EGFLAM: variants seen among roughly 807,000 people sequenced by gnomAD.
EGFLAM encodes the protein EGF like, fibronectin type III and laminin G domains.
Under a neutral mutation model 113.1 loss-of-function variants are expected in EGFLAM, and 79 were observed. The ratio of observed to expected loss-of-function variants is 0.70; its 90% CI spans 0.58 to 0.84. EGFLAM has a LOEUF of 0.84. Ranked by LOEUF, EGFLAM falls within the 40% of genes least tolerant of loss-of-function variation. EGFLAM has a pLI of 0.00. For synonymous variants in EGFLAM, 504 were observed against 487.6 expected (o/e 1.03, Z -0.44); for missense variants, 1,265 against 1,291.6 (o/e 0.98, Z 0.32).
chr5:38,400,410 T>C (rs1367007961), intron 6 of EGFLAM, among the ~76,000 whole-genome samples: 1 of 152,212 alleles, frequency 6.6e-6, no homozygotes. Context: ...TCCTTTTTAA[T>C]GTTCTCTTTT....
At chr5:38,417,012 C>A (rs1741661169) in intron 11 of EGFLAM, among the ~76,000 whole-genome samples, 1 of 152,096 alleles carries the variant, frequency 6.6e-6, no homozygotes, top group Admixed American at 6.6e-5. Flanking sequence ...CCCTGACACC[C>A]TTCCTTACCC....
chr5:38,417,581 C>T (rs1321009381), intron 11 of EGFLAM, among the ~76,000 whole-genome samples: 1 of 152,028 alleles, frequency 6.6e-6, no homozygotes, highest in Non-Finnish European at 1.5e-5. Context: ...ACCCCCCGTC[C>T]ACCCCAACAA....
chr5:38,463,740 C>A, intron 21 of EGFLAM, 92 bp from the exon 22 acceptor site: 1 of 1,504,666 alleles, frequency 6.6e-7, no homozygotes, highest in Non-Finnish European at 9.1e-7. Flanking sequence ...CCTTGGCCAG[C>A]AGCCATTCAA....
In EGFLAM at chr5:38,464,204, GT is replaced by G; in HGVS notation, c.*219del. The G allele has an allele frequency of 5.3e-6, 3 of 565,290 alleles. No homozygotes were observed. The highest frequency in any genetic ancestry group is 9.1e-6 in the Non-Finnish European group (3 of 330,018). 35.0% of individuals were successfully genotyped at this position (565,290 alleles called of 1,614,324 possible). ...ACGAGCTGACCCAGCAGAATTCTCT[GT>G]GTAGGAAGCATCGGACTTTGTCCAT... On this transcript the variant is annotated 3_prime_UTR_variant, in exon 22 of 22. Coordinates refer to ENST00000322350, the MANE Select transcript of EGFLAM (RefSeq NM_152403.4).
chr5:38,280,284 A>G (rs1165334727), intron 1 of EGFLAM, among the ~76,000 whole-genome samples: 1 of 152,180 alleles, frequency 6.6e-6, no homozygotes, highest in Non-Finnish European at 1.5e-5. Flanking sequence ...TCTGCCGTGC[A>G]CTCACGTACT....
At chr5:38,326,245 G>A (rs959125168) in intron 1 of EGFLAM, among the ~76,000 whole-genome samples, 8 of 152,202 alleles carry the variant, frequency 5.3e-5, no homozygotes, top group African/African-American at 1.9e-4. Context: ...GGACATGATG[G>A]TGAGACATCA....
chr5:38,417,496 G>T (rs1229508979), intron 11 of EGFLAM, among the ~76,000 whole-genome samples: 2 of 151,638 alleles, frequency 1.3e-5, no homozygotes, highest in Non-Finnish European at 2.9e-5. Flanking sequence ...CTACCTCACT[G>T]TAAAAAAAAG....
intron 1 of EGFLAM, among the ~76,000 whole-genome samples, chr5:38,281,321 A>G (rs1473203567): frequency 2.0e-5 from 3 of 152,152 alleles, no homozygotes; most frequent in South Asian, 2.1e-4. Flanking sequence ...CAGATAAAAT[A>G]GAGGATGCCC....
chr5:38,405,743 G>T (rs1741263482), intron 6 of EGFLAM, among the ~76,000 whole-genome samples: 1 of 152,152 alleles, frequency 6.6e-6, no homozygotes, highest in African/African-American at 2.4e-5. Flanking sequence ...GGGATTGCTA[G>T]GTATGAACAA....
At chr5:38,324,916 T>C (rs1220220250) in intron 1 of EGFLAM, among the ~76,000 whole-genome samples, 4 of 152,090 alleles carry the variant, frequency 2.6e-5, no homozygotes, top group African/African-American at 7.2e-5. Context: ...TCATGGTGGA[T>C]GGTGATGCCA....
chr5:38,367,003 A>G (rs1349191106), intron 5 of EGFLAM, among the ~76,000 whole-genome samples: 2 of 152,166 alleles, frequency 1.3e-5, no homozygotes, highest in Non-Finnish European at 2.9e-5. Flanking sequence ...CGCATTCTCT[A>G]TTCCCCACCT....
At chr5:38,408,157 T>A (rs1010578236) in intron 9 of EGFLAM, among the ~76,000 whole-genome samples, 3 of 152,180 alleles carry the variant, frequency 2.0e-5, no homozygotes, top group Admixed American at 2.0e-4. Context: ...GCATGAAGAT[T>A]GCAAGTGAGA....
At chr5:38,338,522 G>A (rs1165560297) in intron 2 of EGFLAM, among the ~76,000 whole-genome samples, 176 bp from the exon 3 acceptor site, 1 of 152,148 alleles carries the variant, frequency 6.6e-6, no homozygotes, top group Non-Finnish European at 1.5e-5. Context: ...AGGCTTCTGA[G>A]TTTGCAACAC....
intron 14 of EGFLAM, among the ~76,000 whole-genome samples, chr5:38,427,920 G>A (rs1742068851): frequency 6.6e-6 from 1 of 152,182 alleles, no homozygotes; most frequent in Non-Finnish European, 1.5e-5. Context: ...CTGTTATCTA[G>A]TTTGTACTAT....
chr5:38,337,049 C>T (rs1316974450), intron 1 of EGFLAM, among the ~76,000 whole-genome samples: 1 of 152,186 alleles, frequency 6.6e-6, no homozygotes, highest in African/African-American at 2.4e-5. Context: ...TTTTAAACTT[C>T]ATTTTATACA....
intron 1 of EGFLAM, among the ~76,000 whole-genome samples, chr5:38,265,099 C>T (rs1004963015): frequency 6.6e-5 from 10 of 152,150 alleles, no homozygotes; most frequent in South Asian, 2.1e-4. Flanking sequence ...CTTGTTTTTC[C>T]GAATTCTTTC....
chr5:38,426,105 G>GGA (rs1742000041), intron 13 of EGFLAM, among the ~76,000 whole-genome samples: 1 of 142,240 alleles, frequency 7.0e-6, no homozygotes, highest in Admixed American at 7.0e-5. Flanking sequence ...TCCATCTTGG[G>GGA]AAAAAAAAAA....
chr5:38,443,796 G>C (rs1333859759), intron 17 of EGFLAM, among the ~76,000 whole-genome samples: 7 of 148,210 alleles, frequency 4.7e-5, no homozygotes, highest in Non-Finnish European at 7.4e-5. Context: ...TTGAGATGGA[G>C]TCTAACTCTG....
chr5:38,450,628 G>A (rs746897722), intron 18 of EGFLAM, among the ~76,000 whole-genome samples: 1 of 152,248 alleles, frequency 6.6e-6, no homozygotes, highest in Non-Finnish European at 1.5e-5. Flanking sequence ...ACACTAATAA[G>A]AATGAATTTC....
Sources: allele counts gnomAD v4.1 joint callset (sites outside exome capture counted in the v4.1 genomes callset), GRCh38; gene constraint gnomAD v4.1.1; transcripts MANE v1.5; gene names NCBI Gene and HGNC (gene_info 2026-07-23, HGNC 2026-07-21).